The following CDK6 variants were observed in gnomAD, a reference collection of about 807,000 sequenced individuals.
CDK6 encodes the protein cyclin dependent kinase 6.
A neutral mutation model predicts 37.1 loss-of-function variants in CDK6; 6 were observed. That is an observed-to-expected ratio of 0.16 (90% confidence interval 0.09 to 0.32). CDK6 has a LOEUF of 0.32. CDK6 is among the 10% of genes least tolerant of loss of function. CDK6 has a pLI of 1.00. For missense variants in CDK6, 224 were observed against 418.9 expected (o/e 0.53, Z 4.06); for synonymous variants, 160 against 161.3 (o/e 0.99, Z 0.06).
intron 4 of CDK6, among the ~76,000 whole-genome samples, chr7:92,718,308 C>T (rs771876511): frequency 5.9e-5 from 9 of 152,082 alleles, no homozygotes; most frequent in Non-Finnish European, 8.8e-5. Context: ...GCCGAGGCGA[C>T]GGGGCTTTGG....
chr7:92,801,094 C>T (rs967628928), intron 2 of CDK6, among the ~76,000 whole-genome samples: 1 of 152,096 alleles, frequency 6.6e-6, no homozygotes, highest in Non-Finnish European at 1.5e-5. Context: ...GAAATTCTAA[C>T]ATGAATTGTG....
At chr7:92,764,002 T>C (rs1799519412) in intron 3 of CDK6, among the ~76,000 whole-genome samples, 1 of 152,168 alleles carries the variant, frequency 6.6e-6, no homozygotes, top group Non-Finnish European at 1.5e-5. Context: ...ACAAAGCCTT[T>C]ATCAACCCTT....
intron 5 of CDK6, among the ~76,000 whole-genome samples, chr7:92,627,578 G>A (rs1405161436): frequency 1.3e-5 from 2 of 152,012 alleles, no homozygotes; most frequent in African/African-American, 2.4e-5. Flanking sequence ...GAACTGTGAG[G>A]AAGAACTTTT....
intron 5 of CDK6, among the ~76,000 whole-genome samples, chr7:92,624,587 T>C (rs547846153): frequency 6.6e-6 from 1 of 152,264 alleles, no homozygotes; most frequent in Admixed American, 6.5e-5. Flanking sequence ...AGCAGTCCTA[T>C]AAAACTAATA....
chr7:92,768,547 T>G (rs1009417243), intron 3 of CDK6, among the ~76,000 whole-genome samples: 1 of 152,184 alleles, frequency 6.6e-6, no homozygotes, highest in East Asian at 1.9e-4. Context: ...CCAGGAGAGA[T>G]GTGTGTGTGT....
chr7:92,779,530 T>C (rs956051045), intron 2 of CDK6, among the ~76,000 whole-genome samples: 1 of 152,346 alleles, frequency 6.6e-6, no homozygotes, highest in African/African-American at 2.4e-5. Flanking sequence ...GGTGCCATTA[T>C]TATTAACTTC....
intron 6 of CDK6, 146 bp from the exon 7 acceptor site, chr7:92,618,353 C>T: frequency 1.5e-6 from 1 of 678,216 alleles, no homozygotes. Flanking sequence ...GGCAGGGTCT[C>T]TGTTTATCTC....
chr7:92,765,158 T>C (rs953853566), intron 3 of CDK6, among the ~76,000 whole-genome samples: 1 of 152,154 alleles, frequency 6.6e-6, no homozygotes. Context: ...AAAACATGTA[T>C]CACTACAAAA....
chr7:92,641,362 C>T (rs765527747), intron 5 of CDK6, among the ~76,000 whole-genome samples: 3 of 152,130 alleles, frequency 2.0e-5, no homozygotes, highest in Non-Finnish European at 2.9e-5. Flanking sequence ...AGCATGGACT[C>T]ATGGATTTTA....
At position 92,614,940 on chromosome 7, in the gene CDK6, T is replaced by C. The variant is rs1018692274; in HGVS notation, c.*200A>G. The C allele has an allele frequency of 6.2e-6, 3 of 480,942 alleles. No individual in the cohort carries two copies. Among genetic ancestry groups the C allele is most frequent in the African/African-American group, 5.7e-5 (3 of 52,420 alleles). The allele number at this position is 480,942 out of a possible 1,614,324, so 29.8% of individuals were successfully genotyped here. The stretch of plus-strand genomic sequence containing the variant: ...AGACAAACAAACAAACAAATGAACA[T>C]AAAGCTGCAATCACTCTTGCATTGA... On this transcript the variant is annotated 3_prime_UTR_variant, in exon 8 of 8. Transcript: ENST00000424848.
At chr7:92,721,971 A>G (rs1798379486) in intron 4 of CDK6, among the ~76,000 whole-genome samples, 2 of 152,234 alleles carry the variant, frequency 1.3e-5, no homozygotes, top group South Asian at 4.1e-4. Context: ...GAATACTGGC[A>G]TAGAGCATAC....
At chr7:92,696,879 C>A (rs568074469) in intron 4 of CDK6, among the ~76,000 whole-genome samples, 1 of 152,286 alleles carries the variant, frequency 6.6e-6, no homozygotes, top group South Asian at 2.1e-4. Context: ...AAGCAACATA[C>A]ACCAGAAAAT....
intron 2 of CDK6, among the ~76,000 whole-genome samples, chr7:92,815,001 C>T (rs1800989251): frequency 6.6e-6 from 1 of 152,132 alleles, no homozygotes; most frequent in Non-Finnish European, 1.5e-5. Context: ...AGGGAGGCCA[C>T]TGCCCTAGAA....
At chr7:92,708,827 A>T (rs1384023742) in intron 4 of CDK6, among the ~76,000 whole-genome samples, 1 of 152,156 alleles carries the variant, frequency 6.6e-6, no homozygotes, top group Admixed American at 6.5e-5. Flanking sequence ...GAAAATGTTA[A>T]TCATACCAGG....
In CDK6 at chr7:92,646,288, T is replaced by C. The variant is rs184319515; in HGVS notation, c.648-23202A>G. Among the ~76,000 whole-genome samples the C allele has an allele frequency of 1.1e-3, 173 of 152,354 alleles. 1 individual carries two copies. The highest frequency in any genetic ancestry group is 2.6e-4 in the Non-Finnish European group (18 of 68,024). ...GCTAACACATCATGCACATTTTTATTTGCTCATGTAAGTTATAACCTCCTT... is the reference window on the plus strand; with the variant it reads ...GCTAACACATCATGCACATTTTTATCTGCTCATGTAAGTTATAACCTCCTT... On this transcript the variant is annotated intron_variant, in intron 5 of 7. Transcript: ENST00000424848.
intron 3 of CDK6, among the ~76,000 whole-genome samples, chr7:92,730,903 G>A (rs1465175666): frequency 1.3e-5 from 2 of 152,148 alleles, no homozygotes. Context: ...ATACTCAGAA[G>A]TGGAATTGCT....
intron 2 of CDK6, among the ~76,000 whole-genome samples, chr7:92,811,029 T>C (rs1336823049): frequency 1.3e-5 from 2 of 151,352 alleles, no homozygotes; most frequent in Non-Finnish European, 2.9e-5. Context: ...TCGCGCCCGG[T>C]GACAGAATGA....
At chr7:92,796,929 A>G (rs1020340550) in intron 2 of CDK6, among the ~76,000 whole-genome samples, 3 of 152,128 alleles carry the variant, frequency 2.0e-5, no homozygotes, top group African/African-American at 7.2e-5. Context: ...AACTGAACTG[A>G]TGGACAAACT....
intron 2 of CDK6, among the ~76,000 whole-genome samples, chr7:92,799,194 T>A (rs1800500662): frequency 6.6e-6 from 1 of 152,228 alleles, no homozygotes; most frequent in African/African-American, 2.4e-5. Flanking sequence ...CACTTTGTGC[T>A]ACACTTTCTC....
Sources: allele counts gnomAD v4.1 joint callset (sites outside exome capture counted in the v4.1 genomes callset), GRCh38; gene constraint gnomAD v4.1.1; transcripts MANE v1.5; gene names NCBI Gene and HGNC (gene_info 2026-07-23, HGNC 2026-07-21).